DLGAP1: variants seen among roughly 807,000 people sequenced by gnomAD.
DLGAP1 encodes DLG associated protein 1.
In DLGAP1, 11 loss-of-function variants were observed where a neutral mutation model predicts 90.8. That is an observed-to-expected ratio of 0.12 (90% CI 0.08 to 0.20). The LOEUF (loss-of-function observed/expected upper bound fraction) is 0.20. Among genes scored for constraint, DLGAP1 ranks in the 10% least tolerant of loss-of-function variants. The pLI is 1.00. For synonymous variants in DLGAP1, 558 were observed against 540.7 expected (o/e 1.03, Z -0.44); for missense variants, 1,050 against 1,333.8 (o/e 0.79, Z 3.31).
chr18:3,644,813 A>G (rs1034245371), intron 7 of DLGAP1, among the ~76,000 whole-genome samples: 1 of 152,214 alleles, frequency 6.6e-6, no homozygotes, highest in African/African-American at 2.4e-5. Flanking sequence ...TAATATATCC[A>G]TATAGTAGAA....
chr18:3,597,015 C>T (rs746984533), intron 7 of DLGAP1: 8 of 520,002 alleles, frequency 1.5e-5, no homozygotes, highest in Non-Finnish European at 2.7e-5. Context: ...GGCAAAGGAC[C>T]GTGGGAGGCA....
intron 7 of DLGAP1, among the ~76,000 whole-genome samples, chr18:3,629,878 CA>C (rs777333218): frequency 5.9e-5 from 9 of 152,192 alleles, no homozygotes; most frequent in African/African-American, 2.2e-4. Flanking sequence ...GCAAATGTAG[CA>C]ATCTTTTTAA....
intron 10 of DLGAP1, among the ~76,000 whole-genome samples, chr18:3,519,635 A>G (rs978425544): frequency 6.6e-6 from 1 of 152,200 alleles, no homozygotes; most frequent in Non-Finnish European, 1.5e-5. Flanking sequence ...GAGGTGATTA[A>G]GTCATGAGAG....
At chr18:4,350,869 A>G (rs2081389771) in intron 1 of DLGAP1, among the ~76,000 whole-genome samples, 1 of 152,146 alleles carries the variant, frequency 6.6e-6, no homozygotes, top group Non-Finnish European at 1.5e-5. Flanking sequence ...GAATCTAGGT[A>G]GAGGCATGTT....
chr18:3,907,688 C>T (rs537441047), intron 3 of DLGAP1, among the ~76,000 whole-genome samples: 2 of 152,270 alleles, frequency 1.3e-5, no homozygotes, highest in South Asian at 4.1e-4. Context: ...GGTACACCCA[C>T]TTCAAGATCA....
At chr18:4,407,875 AATAAATAAATAAATAT>A (rs143696020) in intron 1 of DLGAP1, among the ~76,000 whole-genome samples, 9,468 of 61,032 alleles carry the variant, frequency 0.16, 971 homozygotes, top group African/African-American at 0.41. Flanking sequence ...TAAATAAATA[AATAAATAAATAAATAT>A]ATAAATAAAT....
chr18:4,227,783 T>C (rs2078222697), intron 1 of DLGAP1, among the ~76,000 whole-genome samples: 1 of 148,958 alleles, frequency 6.7e-6, no homozygotes, highest in African/African-American at 2.5e-5. Context: ...TAATGGTGCA[T>C]CTTAAAGAAT....
At position 4,015,007 on chromosome 18, in the gene DLGAP1, C is replaced by A. The variant is rs140692669; in HGVS notation, c.-158-9806G>T. On this transcript the variant is annotated intron_variant, in intron 2 of 12. Transcript: ENST00000315677. ...ACAGAACACTGGGCCCAGACTCTTG[C>A]GAGAACATGCCTTTGAACTGTTTGC... Among the ~76,000 whole-genome samples, 95 of 152,218 alleles carry A rather than the reference C, an allele frequency of 6.2e-4. 1 individual carries two copies. The East Asian group carries it at 0.017, about 27-fold the overall frequency.
chr18:4,194,093 C>G (rs1348727366), intron 1 of DLGAP1, among the ~76,000 whole-genome samples: 1 of 151,988 alleles, frequency 6.6e-6, no homozygotes, highest in East Asian at 1.9e-4. Context: ...GTTTGGGGTA[C>G]AATTAATCCT....
chr18:3,929,164 T>C (rs902348132), intron 3 of DLGAP1, among the ~76,000 whole-genome samples: 4 of 152,196 alleles, frequency 2.6e-5, no homozygotes, highest in Admixed American at 2.6e-4. Context: ...GGTCTTTATA[T>C]CAATGTGAGA....
chr18:3,610,616 C>T (rs772608023), intron 7 of DLGAP1, among the ~76,000 whole-genome samples: 10 of 151,950 alleles, frequency 6.6e-5, no homozygotes, highest in Non-Finnish European at 1.2e-4. Flanking sequence ...GGGCAGATCC[C>T]TTGAGCCCAG....
At chr18:3,573,076 T>A (rs1045101471) in intron 8 of DLGAP1, among the ~76,000 whole-genome samples, 2 of 152,192 alleles carry the variant, frequency 1.3e-5, no homozygotes, top group Non-Finnish European at 2.9e-5. Context: ...AAAATATATA[T>A]ACACTTTGAT....
At chr18:4,251,834 C>T (rs113123929) in intron 1 of DLGAP1, among the ~76,000 whole-genome samples, 3,412 of 152,256 alleles carry the variant, frequency 0.022, 125 homozygotes, top group African/African-American at 0.077. Flanking sequence ...GTCTCTAAGA[C>T]GACCTGAACT....
rs559420142 is a variant in DLGAP1 at position 3,955,821 on chromosome 18, A to G, written c.-73+49295T>C. Among the ~76,000 whole-genome samples the G allele has an allele frequency of 4.6e-5, 7 of 152,352 alleles. No individual in the cohort carries two copies. In the South Asian group the frequency reaches 8.3e-4, roughly 18 times the overall value. ...TGCAATAATAAATACACTAGGTAAC[A>G]TTAATGCTAGATTAGACATGGCAGA... On this transcript the variant is annotated intron_variant, in intron 3 of 12. Coordinates refer to ENST00000315677, the MANE Select transcript of DLGAP1 (RefSeq NM_004746.4).
intron 10 of DLGAP1, among the ~76,000 whole-genome samples, chr18:3,522,293 C>G (rs929708416): frequency 4.6e-5 from 7 of 151,774 alleles, no homozygotes; most frequent in African/African-American, 1.7e-4. Context: ...CGTGCCACCA[C>G]GCCCAGCTAA....
chr18:3,812,878 T>C (rs570207202), intron 5 of DLGAP1, among the ~76,000 whole-genome samples: 1 of 152,338 alleles, frequency 6.6e-6, no homozygotes, highest in East Asian at 1.9e-4. Flanking sequence ...CTTTTAATAT[T>C]TTATTTAGTA....
intron 4 of DLGAP1, among the ~76,000 whole-genome samples, chr18:3,870,050 T>C (rs903918438): frequency 5.3e-5 from 8 of 152,188 alleles, no homozygotes; most frequent in African/African-American, 1.9e-4. Context: ...TTTCATCTAT[T>C]AGGCTCTACT....
rs1410816701 is a variant in DLGAP1 at position 3,600,879 on chromosome 18, TAG to T, written c.1592-18633_1592-18632del. The stretch of plus-strand genomic sequence containing the variant: ...AGATATATATAGATATATAGATATA[TAG>T]ATAGATATATAGATATATATAGATA... On this transcript the variant is annotated intron_variant, in intron 7 of 12. Coordinates refer to ENST00000315677, the MANE Select transcript of DLGAP1 (RefSeq NM_004746.4). 2.8e-3 allele frequency among the ~76,000 whole-genome samples: 137 copies of T among 49,528 alleles called. 5 individuals are homozygous for T. The highest frequency in any genetic ancestry group is 3.4e-3 in the Non-Finnish European group (78 of 22,668). 32.5% of individuals were successfully genotyped at this position (49,528 alleles called of 152,430 possible). A position where few individuals can be genotyped will look rare whatever the true frequency, so the allele number is the denominator to read the frequency against.
At chr18:4,385,468 A>AT (rs11303458) in intron 1 of DLGAP1, among the ~76,000 whole-genome samples, 45 of 150,872 alleles carry the variant, frequency 3.0e-4, no homozygotes, top group Middle Eastern at 3.4e-3. Flanking sequence ...CAATACTTTC[A>AT]TTTTTTTTTC....
Sources: allele counts gnomAD v4.1 joint callset (sites outside exome capture counted in the v4.1 genomes callset), GRCh38; gene constraint gnomAD v4.1.1; transcripts MANE v1.5; gene names NCBI Gene and HGNC (gene_info 2026-07-23, HGNC 2026-07-21).